RANBP1: variants seen among roughly 807,000 people sequenced by gnomAD.
RANBP1 encodes the protein ran-specific GTPase-activating protein.
RANBP1 carries 16 observed loss-of-function variants against 31.4 expected under a neutral mutation model. The observed-to-expected ratio is 0.51, with a 90% CI of 0.34 to 0.77. The LOEUF (loss-of-function observed/expected upper bound fraction) is 0.77, where lower values mean the gene tolerates loss of function less well. Ranked by LOEUF, RANBP1 falls within the 30% of genes least tolerant of loss-of-function variation. The pLI is 0.01. For synonymous variants in RANBP1, 129 were observed against 140.5 expected (o/e 0.92, Z 0.58); for missense variants, 265 against 362.0 (o/e 0.73, Z 2.17).
At chr22:20,121,336 G>C (rs1226584351) in intron 2 of RANBP1, among the ~76,000 whole-genome samples, 2 of 152,012 alleles carry the variant, frequency 1.3e-5, no homozygotes, top group African/African-American at 4.8e-5. Flanking sequence ...CGCAACCTCT[G>C]CCTCCCGGCT....
At chr22:20,117,881 T>G in intron 1 of RANBP1, 7 of 1,006,726 alleles carry the variant, frequency 7.0e-6, no homozygotes, top group East Asian at 2.1e-4. Context: ...TGCAGAGGCC[T>G]GGGGGCTGCA....
chr22:20,116,537 C>T, intron 1 of RANBP1, 107 bp downstream of exon 1: 1 of 1,602,322 alleles, frequency 6.2e-7, no homozygotes, highest in Non-Finnish European at 8.5e-7. Flanking sequence ...GCCGGGGCTG[C>T]AGGGGGCACC....
At chr22:20,125,532 G>C in intron 4 of RANBP1, 96 bp downstream of exon 4, 3 of 1,543,630 alleles carry the variant, frequency 1.9e-6, no homozygotes, top group South Asian at 1.2e-5. Context: ...CTTTTGGGGA[G>C]AGGGGGCAGT....
At chr22:20,122,235 C>T (rs182471970) in intron 2 of RANBP1, 29 bp from the exon 3 acceptor site, 101 of 1,606,894 alleles carry the variant, frequency 6.3e-5, no homozygotes, top group Non-Finnish European at 8.3e-5. Flanking sequence ...TGCAGGTCTG[C>T]ACTCTTAACC....
chr22:20,120,262 A>C (rs543718440), intron 2 of RANBP1, among the ~76,000 whole-genome samples: 1 of 152,336 alleles, frequency 6.6e-6, no homozygotes, highest in East Asian at 1.9e-4. Flanking sequence ...TTGGTCACAG[A>C]GGGTGATGGA....
chr22:20,117,624 C>G (rs1419341457), intron 1 of RANBP1: 1 of 1,249,978 alleles, frequency 8.0e-7, no homozygotes, highest in Non-Finnish European at 1.0e-6. Flanking sequence ...CCGACCCAGC[C>G]GAGCCGCCGC....
At chr22:20,125,236 T>C in intron 3 of RANBP1, 72 bp from the exon 4 acceptor site, 4 of 1,580,348 alleles carry the variant, frequency 2.5e-6, no homozygotes, top group Non-Finnish European at 3.5e-6. Context: ...AGCAGGGTGC[T>C]CTGTGGCCGA....
intron 3 of RANBP1, 95 bp from the exon 4 acceptor site, chr22:20,125,213 C>G: frequency 6.9e-7 from 1 of 1,439,186 alleles, no homozygotes; most frequent in Non-Finnish European, 9.7e-7. Context: ...GAAGCAGACC[C>G]CTCAGGTTGG....
chr22:20,117,333 C>T, intron 1 of RANBP1: 7 of 1,148,714 alleles, frequency 6.1e-6, no homozygotes, highest in Non-Finnish European at 7.7e-6. Flanking sequence ...GCGCGGGTGT[C>T]GCCGGGAGTG....
At chr22:20,123,769 T>G (rs1041826939) in intron 3 of RANBP1, among the ~76,000 whole-genome samples, 3 of 152,036 alleles carry the variant, frequency 2.0e-5, no homozygotes, top group Non-Finnish European at 4.4e-5. Flanking sequence ...TTGTCCTGAG[T>G]ATGGCTGGCT....
chr22:20,116,224 G>T lies in RANBP1; in HGVS notation c.40G>T (p.Gly14Trp). 1 of 1,612,980 alleles carries T rather than the reference G, an allele frequency of 6.2e-7. No individual in the cohort carries two copies. Residue 14 changes from glycine to tryptophan, a missense_variant, in exon 1 of 6, where the codon GGG (glycine) becomes TGG (tryptophan). Gly to Trp is a radical substitution (Grantham distance 184, BLOSUM62 -2). Around this residue, in one of 3 missense-constraint regions of RANBP1, gnomAD observed 126 missense variants for 123.6 expected, o/e 1.02. Transcript: ENST00000430524. ...GGGCCGGGCCAGGCGCACACTGAGT[G>T]GGCGGCCTTTCCAGAGGGCACCATG... is the stretch of plus-strand genomic sequence containing the variant. ...ALGRARRTLSGRPFQRAPCKT... is the reference protein window; with the variant it reads ...ALGRARRTLSWRPFQRAPCKT...
intron 2 of RANBP1, among the ~76,000 whole-genome samples, chr22:20,121,556 T>C (rs2050171768): frequency 1.1e-5 from 1 of 91,658 alleles, no homozygotes; most frequent in Non-Finnish European, 2.3e-5. Context: ...TTTTGTTTTG[T>C]TTTTTTTTAA....
In RANBP1 at chr22:20,116,263, G is replaced by A; in HGVS notation, c.79G>A (p.Ala27Thr). 4 of 1,612,964 alleles carry A rather than the reference G, an allele frequency of 2.5e-6. No individual in the cohort carries two copies. The highest frequency in any genetic ancestry group is 3.4e-6 in the Non-Finnish European group (4 of 1,180,022). ...FQRAPCKTRR[A>T]LSLSAALRNV... is the part of the protein sequence containing the mutation. ...GAGGGCACCATGCAAAACGCGCAGGGCCTTGTCCCTCTCTGCAGCGCTGCG... is the reference window on the plus strand; with the variant it reads ...GAGGGCACCATGCAAAACGCGCAGGACCTTGTCCCTCTCTGCAGCGCTGCG... The change falls in exon 1 of 6, where the codon GCC (alanine) becomes ACC (threonine). Residue 27 changes from alanine (A) to threonine (T), a missense_variant. Ala to Thr is a moderately conservative substitution (Grantham distance 58). Around this residue, in one of 3 missense-constraint regions of RANBP1, gnomAD observed 126 missense variants for 123.6 expected, o/e 1.02. Coordinates refer to ENST00000430524, the MANE Select transcript of RANBP1 (RefSeq NM_001278639.2).
chr22:20,116,741 T>A, intron 1 of RANBP1: 1 of 1,369,670 alleles, frequency 7.3e-7, no homozygotes, highest in Non-Finnish European at 1.0e-6. Flanking sequence ...TCCCCCAGTC[T>A]ACCCTCCCGA....
At chr22:20,116,678 C>T (rs2050033408) in intron 1 of RANBP1, 2 of 1,494,806 alleles carry the variant, frequency 1.3e-6, no homozygotes, top group South Asian at 1.3e-5. Context: ...CCCCAAGCTT[C>T]CTTATGGGAC....
chr22:20,117,329 G>A (rs1176534637), intron 1 of RANBP1: 26 of 1,115,310 alleles, frequency 2.3e-5, no homozygotes, highest in Non-Finnish European at 3.0e-5. Context: ...GTGCGCGCGG[G>A]TGTCGCCGGG....
chr22:20,122,202 C>G, intron 2 of RANBP1, 62 bp from the exon 3 acceptor site: 3 of 1,571,032 alleles, frequency 1.9e-6, no homozygotes, highest in Non-Finnish European at 2.6e-6. Context: ...CTGTGTCCTC[C>G]TGCGCAGGCC....
At chr22:20,126,748 G>A in intron 5 of RANBP1, 2 of 1,388,828 alleles carry the variant, frequency 1.4e-6, no homozygotes, top group Non-Finnish European at 1.9e-6. Flanking sequence ...TCTAGGCAGT[G>A]CTTGAGTGCA....
At chr22:20,122,026 C>G (rs766851255) in intron 2 of RANBP1, among the ~76,000 whole-genome samples, 15 of 152,140 alleles carry the variant, frequency 9.9e-5, no homozygotes, top group Non-Finnish European at 1.8e-4. Context: ...AATGAGCCAC[C>G]GCGCCCGGTC....
Sources: allele counts gnomAD v4.1 joint callset (sites outside exome capture counted in the v4.1 genomes callset), GRCh38; gene constraint gnomAD v4.1.1; regional missense constraint gnomAD v4.1.1; transcripts MANE v1.5; gene names NCBI Gene and HGNC (gene_info 2026-07-23, HGNC 2026-07-21).